MTF1: variants seen among roughly 807,000 people sequenced by gnomAD.
The protein encoded by MTF1 is MRE-binding transcription factor.
In MTF1, 22 loss-of-function variants were observed where a neutral mutation model predicts 70.4. That is an observed-to-expected ratio of 0.31 (90% CI 0.22 to 0.45). MTF1 has a LOEUF of 0.45. Among genes scored for constraint, MTF1 ranks in the 20% least tolerant of loss-of-function variants. The pLI is 1.00. For synonymous variants in MTF1, 333 were observed against 352.8 expected (o/e 0.94, Z 0.63); for missense variants, 649 against 922.0 (o/e 0.70, Z 3.83).
intron 7 of MTF1, among the ~76,000 whole-genome samples, chr1:37,831,322 G>C (rs538908426): frequency 2.0e-5 from 3 of 152,254 alleles, no homozygotes; most frequent in Non-Finnish European, 2.9e-5. Context: ...CAGCAGGCTT[G>C]GGGGGAGGCC....
intron 3 of MTF1, among the ~76,000 whole-genome samples, chr1:37,839,540 A>G (rs1641224433): frequency 6.6e-6 from 1 of 152,208 alleles, no homozygotes; most frequent in Admixed American, 6.5e-5. Context: ...CTCAGGATAG[A>G]AAAGTCCTTC....
At chr1:37,827,584 G>C (rs529941899) in intron 7 of MTF1, among the ~76,000 whole-genome samples, 2 of 151,944 alleles carry the variant, frequency 1.3e-5, no homozygotes, top group African/African-American at 4.8e-5. Context: ...AAATGGTCTT[G>C]ATCTTCTGAC....
In MTF1 at chr1:37,815,636, A is replaced by G. The variant is rs1053921007; in HGVS notation, c.1832-70T>C. On this transcript the variant is annotated intron_variant, in intron 10 of 10. Coordinates refer to ENST00000373036, the MANE Select transcript of MTF1 (RefSeq NM_005955.3). This position sits in a 1 kb window ranked among gnomAD's most constrained non-coding sequence, Gnocchi z 4.5. ...GCAGGAGCATGAGGGACAGGGATACATGGACTAGGTGAGAGCAGAGTGCCA... is the reference window on the plus strand; with the variant it reads ...GCAGGAGCATGAGGGACAGGGATACGTGGACTAGGTGAGAGCAGAGTGCCA... 5 of 1,252,706 alleles carry G rather than the reference A, an allele frequency of 4.0e-6. No homozygotes were observed. The highest frequency in any genetic ancestry group is 3.0e-5 in the African/African-American group (2 of 66,460). 77.6% of individuals were successfully genotyped at this position (1,252,706 alleles called of 1,614,324 possible).
At chr1:37,848,808 G>A (rs1230966082) in intron 2 of MTF1, among the ~76,000 whole-genome samples, 11 of 152,218 alleles carry the variant, frequency 7.2e-5, no homozygotes, top group Admixed American at 7.2e-4. Context: ...TCAGAGTTCA[G>A]AAGGGAACCT....
rs1258964288 is a variant in MTF1, at chr1:37,812,067, A to T, written c.*3069T>A. On this transcript the variant is annotated 3_prime_UTR_variant, in exon 11 of 11. Coordinates refer to ENST00000373036, the MANE Select transcript of MTF1 (RefSeq NM_005955.3). ...CCCTTTGAAGCGGTTGTCTAATTGG[A>T]GATGTTAGTAGGAGCTAGAAGATAA... 9 of 152,678 alleles carry T rather than the reference A, an allele frequency of 5.9e-5. No individual in the cohort carries two copies. Among genetic ancestry groups the T allele is most frequent in the African/African-American group, 1.4e-4 (6 of 41,464 alleles). 9.5% of individuals were successfully genotyped at this position (152,678 alleles called of 1,614,324 possible).
rs1242759955 is a variant in MTF1 at position 37,822,341 on chromosome 1, A to C, written c.1547T>G (p.Val516Gly). 1 of 1,612,874 alleles carries C rather than the reference A, an allele frequency of 6.2e-7. No individual in the cohort carries two copies. Residue 516 changes from valine (V) to glycine (G), a missense_variant, in exon 9 of 11, where the codon GTG becomes GGG. Physicochemically the swap from Val to Gly is moderately radical, Grantham distance 109 (BLOSUM62 -3). Around this residue, in one of 7 missense-constraint regions of MTF1, gnomAD observed 267 missense variants for 292.1 expected, o/e 0.91. Coordinates refer to ENST00000373036, the MANE Select transcript of MTF1 (RefSeq NM_005955.3). ...ACTTTGTGGTGGGGCTGGTGCTGCCACAGCTGATGCCACTGCCGCTGCTGA... is the reference window on the plus strand; with the variant it reads ...ACTTTGTGGTGGGGCTGGTGCTGCCCCAGCTGATGCCACTGCCGCTGCTGA... ...SASAAAVASA[V>G]AAPAPPQSTT...
chr1:37,857,233 A>G lies in MTF1; in HGVS notation c.408+18T>C. ...TGCCCCAAAACCAAACTAGGCCCTCACTGACTGCTTTACTTACTTCTTTAC... is the reference window on the plus strand; with the variant it reads ...TGCCCCAAAACCAAACTAGGCCCTCGCTGACTGCTTTACTTACTTCTTTAC... On this transcript the variant is annotated intron_variant, in intron 2 of 10. Coordinates refer to ENST00000373036, the MANE Select transcript of MTF1 (RefSeq NM_005955.3). 6.3e-7 allele frequency: 1 copy of G among 1,598,932 alleles called. No homozygotes were observed. The highest frequency in any genetic ancestry group is 8.6e-7 in the Non-Finnish European group (1 of 1,168,598).
At chr1:37,839,782 G>A in intron 3 of MTF1, 138 bp downstream of exon 3, 1 of 685,418 alleles carries the variant, frequency 1.5e-6, no homozygotes, top group Admixed American at 2.8e-5. Flanking sequence ...TGGCAGAAAT[G>A]AATTTTACGT....
intron 1 of MTF1, 89 bp downstream of exon 1, chr1:37,859,442 C>T (rs1179648905): frequency 7.5e-6 from 3 of 398,420 alleles, no homozygotes; most frequent in Non-Finnish European, 1.3e-5. Flanking sequence ...AAACTGAGGT[C>T]TCTATTGGGA....
At position 37,814,999 on chromosome 1, in the gene MTF1, AGAAAATACGTCT is replaced by A; in HGVS notation, c.*125_*136del. On this transcript the variant is annotated 3_prime_UTR_variant, in exon 11 of 11. Transcript: ENST00000373036. Reference sequence around the variant, plus strand: ...ATGGATGCTCCTGGGATGTGAATAAAGAAAATACGTCTGAAAGGTGAGGATTTCAAACAGTAG... The same window carrying A: ...ATGGATGCTCCTGGGATGTGAATAAAGAAAGGTGAGGATTTCAAACAGTAG... 1.4e-6 allele frequency: 1 copy of A among 736,912 alleles called. No individual in the cohort carries two copies. Among genetic ancestry groups the A allele is most frequent in the Non-Finnish European group, 2.2e-6 (1 of 452,734 alleles). 45.6% of individuals were successfully genotyped at this position (736,912 alleles called of 1,614,324 possible). A position where few individuals can be genotyped will look rare whatever the true frequency, so the allele number is the denominator to read the frequency against.
chr1:37,855,103 T>C (rs578124145), intron 2 of MTF1, among the ~76,000 whole-genome samples: 1 of 152,120 alleles, frequency 6.6e-6, no homozygotes, highest in South Asian at 2.1e-4. Flanking sequence ...GGAATTCATA[T>C]AATCAAAGGT....
At chr1:37,830,713 T>C (rs1352070324) in intron 7 of MTF1, among the ~76,000 whole-genome samples, 1 of 152,232 alleles carries the variant, frequency 6.6e-6, no homozygotes, top group East Asian at 1.9e-4. Context: ...TTCTTGGAAG[T>C]GTGTTGACTT....
chr1:37,833,006 CAA>C (rs1173963055), intron 6 of MTF1, among the ~76,000 whole-genome samples: 5 of 129,174 alleles, frequency 3.9e-5, no homozygotes, highest in Admixed American at 7.9e-5. Context: ...GACTCTGTCT[CAA>C]AAAAAAAAAA....
chr1:37,834,594 T>A, intron 6 of MTF1: 1 of 455,376 alleles, frequency 2.2e-6, no homozygotes, highest in Non-Finnish European at 4.4e-6. Flanking sequence ...TATTGTGGAG[T>A]GGACAGAAGA....
chr1:37,849,381 G>C (rs543550862), intron 2 of MTF1, among the ~76,000 whole-genome samples: 1 of 151,634 alleles, frequency 6.6e-6, no homozygotes, highest in African/African-American at 2.4e-5. Flanking sequence ...AGCCAAGATC[G>C]TGCCACTGTA....
chr1:37,835,648 A>C, intron 5 of MTF1, 23 bp downstream of exon 5: 1 of 1,606,672 alleles, frequency 6.2e-7, no homozygotes, highest in Non-Finnish European at 8.5e-7. Context: ...GGCTTGATGA[A>C]ACAAAAATTG....
rs1359660703 is a variant in MTF1 at position 37,814,948 on chromosome 1, T to TC, written c.*187_*188insG. The TC allele has an allele frequency of 2.1e-5, 12 of 581,870 alleles. No individual in the cohort carries two copies. The African/African-American group carries it at 2.2e-4, about 11-fold the overall frequency. 36.0% of individuals were successfully genotyped at this position (581,870 alleles called of 1,614,324 possible). Reference sequence around the variant, plus strand: ...TTTTGTTGTTTTTTTTGTTTTTTGTTTTTTTCCAAAGAATAGTTCCTTAAA... The same window carrying TC: ...TTTTGTTGTTTTTTTTGTTTTTTGTTCTTTTTCCAAAGAATAGTTCCTTAAA... On this transcript the variant is annotated 3_prime_UTR_variant, in exon 11 of 11. Transcript: ENST00000373036.
intron 2 of MTF1, among the ~76,000 whole-genome samples, chr1:37,853,512 C>T (rs910082620): frequency 3.3e-5 from 5 of 152,210 alleles, no homozygotes; most frequent in African/African-American, 9.7e-5. Flanking sequence ...GACCTTATAG[C>T]CTGCAAAGCC....
Position 37,815,198 on chromosome 1 carries a change from G to A in MTF1, c.2200C>T (p.Pro734Ser). The change falls in exon 11 of 11, where the codon CCC (proline) becomes TCC (serine). Residue 734 changes from proline (P) to serine (S), a missense_variant. Pro to Ser is a moderately conservative substitution (Grantham distance 74, BLOSUM62 -1). Coordinates refer to ENST00000373036, the MANE Select transcript of MTF1 (RefSeq NM_005955.3). This position sits in a 1 kb window ranked among gnomAD's most constrained non-coding sequence, Gnocchi z 4.5. ...QSLDTPSNLI[P>S]IEALLQGEEE... ...TCCCCCTGCAGTAGTGCTTCAATGGGAATCAGATTGGACGGGGTGTCCAGG... is the reference window on the plus strand; with the variant it reads ...TCCCCCTGCAGTAGTGCTTCAATGGAAATCAGATTGGACGGGGTGTCCAGG... The A allele has an allele frequency of 6.2e-7, 1 of 1,614,176 alleles. No homozygotes were observed. The highest frequency in any genetic ancestry group is 1.3e-5 in the African/African-American group (1 of 75,036).
Sources: gnomAD v4.1 joint callset for allele counts (sites outside exome capture counted in the v4.1 genomes callset) on GRCh38, gnomAD v4.1.1 for gene constraint, gnomAD v4.1.1 regional missense constraint, Gnocchi (gnomAD v3.1) non-coding constraint, MANE v1.5 for transcripts, NCBI Gene and HGNC (gene_info 2026-07-23, HGNC 2026-07-21) for gene names.